Variants in PCDHGB2 observed in about 807,000 individuals in gnomAD.
PCDHGB2 encodes protocadherin gamma subfamily B, 2.
Under a neutral mutation model 59.3 loss-of-function variants are expected in PCDHGB2, and 55 were observed. The ratio of observed to expected loss-of-function variants is 0.93; its 90% confidence interval spans 0.75 to 1.16. The LOEUF (loss-of-function observed/expected upper bound fraction) is 1.16. Among genes scored for constraint, PCDHGB2 ranks in the 50% most tolerant of loss-of-function variants. PCDHGB2 has a pLI of 0.00. For missense variants in PCDHGB2, 1,228 were observed against 1,198.5 expected (o/e 1.02, Z -0.36); for synonymous variants, 516 against 512.0 (o/e 1.01, Z -0.11).
chr5:141,473,700 C>G (rs1474416849), intron 1 of PCDHGB2, among the ~76,000 whole-genome samples: 1 of 152,148 alleles, frequency 6.6e-6, no homozygotes, highest in Non-Finnish European at 1.5e-5. Context: ...GACCACCCTC[C>G]AAGTGGTGCA....
At chr5:141,370,778 C>T in intron 1 of PCDHGB2, 1 of 1,613,986 alleles carries the variant, frequency 6.2e-7, no homozygotes, top group Non-Finnish European at 8.5e-7. Flanking sequence ...ATATTAACGA[C>T]AACCCACCGA....
chr5:141,506,085 G>A lies in PCDHGB2; in HGVS notation c.2569+604G>A, dbSNP rs532931472. Among the ~76,000 whole-genome samples the A allele has an allele frequency of 2.6e-4, 39 of 152,168 alleles. 1 individual carries two copies. In the South Asian group the frequency reaches 2.9e-3, roughly 11 times the overall value. On this transcript the variant is annotated intron_variant, in intron 3 of 3. Coordinates refer to ENST00000522605, the MANE Select transcript of PCDHGB2 (RefSeq NM_018923.3). ...AGGGCTTCCTTTGTAATAGAGATTC[G>A]GCTAGTGGTGGTTGTCCCTGAAGAG...
chr5:141,399,009 C>A (rs759328384), intron 1 of PCDHGB2: 1 of 1,613,812 alleles, frequency 6.2e-7, no homozygotes, highest in African/African-American at 1.3e-5. Context: ...ATTCAAAGAG[C>A]GGAGAAATTA....
At chr5:141,475,762 G>A (rs4151701) in intron 1 of PCDHGB2, among the ~76,000 whole-genome samples, 9,255 of 152,346 alleles carry the variant, frequency 0.061, 562 homozygotes, top group African/African-American at 0.16. Context: ...CACCGATACT[G>A]GCAAGGCGCT....
Position 141,364,472 on chromosome 5 carries a change from A to G in PCDHGB2, c.2421+1916A>G, listed in dbSNP as rs375080558. On this transcript the variant is annotated intron_variant, in intron 1 of 3. Coordinates refer to ENST00000522605, the MANE Select transcript of PCDHGB2 (RefSeq NM_018923.3). ...GGACAAAGGCTCCTTCGTCGGCAAC[A>G]TAGCCAAGGACCTTGGGCTGGAGCC... is the stretch of plus-strand genomic sequence containing the variant. The G allele has an allele frequency of 5.6e-6, 9 of 1,614,038 alleles. No individual in the cohort carries two copies. Among genetic ancestry groups the G allele is most frequent in the South Asian group, 2.2e-5 (2 of 91,086 alleles).
In PCDHGB2 at chr5:141,485,457, T is replaced by G; in HGVS notation, c.2422-9350T>G. 1 of 1,614,124 alleles carries G rather than the reference T, an allele frequency of 6.2e-7. No individual in the cohort carries two copies. Among genetic ancestry groups the G allele is most frequent in the Non-Finnish European group, 8.5e-7 (1 of 1,180,020 alleles). On this transcript the variant is annotated intron_variant, in intron 1 of 3. Coordinates refer to ENST00000522605, the MANE Select transcript of PCDHGB2 (RefSeq NM_018923.3). This position sits in a 1 kb window ranked among gnomAD's most constrained non-coding sequence, Gnocchi z 5.7. ...AAGAACCCAATCGACCGAGAGGCAC[T>G]GTGTGGGCTCAGTGCCAGCTGCATC...
chr5:141,450,937 A>G (rs1011608521), intron 1 of PCDHGB2, among the ~76,000 whole-genome samples: 1 of 148,134 alleles, frequency 6.8e-6, no homozygotes, highest in African/African-American at 2.5e-5. Flanking sequence ...CAATTCTCCT[A>G]CCTCAGCCTC....
intron 1 of PCDHGB2, chr5:141,393,555 C>T (rs1561643318): frequency 1.2e-6 from 2 of 1,613,808 alleles, no homozygotes; most frequent in Admixed American, 3.3e-5. Context: ...CCCGATTTAC[C>T]GAGTGAAAGT....
Position 141,485,286 on chromosome 5 carries a change from AG to A in PCDHGB2, c.2422-9520del. On this transcript the variant is annotated intron_variant, in intron 1 of 3. Coordinates refer to ENST00000522605, the MANE Select transcript of PCDHGB2 (RefSeq NM_018923.3). This position sits in a 1 kb window ranked among gnomAD's most constrained non-coding sequence, Gnocchi z 5.7. ...CAGATCCGCTACCCGGTCCCAGAGG[AG>A]TCACAGGAAGGGACTTTTGTAGGGA... The A allele has an allele frequency of 6.2e-7, 1 of 1,614,044 alleles. No homozygotes were observed. Among genetic ancestry groups the A allele is most frequent in the Non-Finnish European group, 8.5e-7 (1 of 1,179,928 alleles).
At chr5:141,388,827 A>T (rs376001893) in intron 1 of PCDHGB2, 4 of 1,614,024 alleles carry the variant, frequency 2.5e-6, no homozygotes, top group Non-Finnish European at 2.5e-6. Flanking sequence ...AGAATATTCC[A>T]TAGTTTTGGA....
At position 141,383,491 on chromosome 5, in the gene PCDHGB2, C is replaced by A. The variant is rs116533786; in HGVS notation, c.2421+20935C>A. ...TAAGTACCCGGAACTGGTGCTGGAG[C>A]GGGTGCTGGACCGGGAGGAAGAGCG... On this transcript the variant is annotated intron_variant, in intron 1 of 3. Transcript: ENST00000522605. 4.5e-4 allele frequency: 731 copies of A among 1,613,114 alleles called. 6 individuals are homozygous for A. In the African/African-American group the frequency reaches 7.9e-3, roughly 17 times the overall value.
At chr5:141,466,348 G>A (rs2099120992) in intron 1 of PCDHGB2, among the ~76,000 whole-genome samples, 2 of 151,876 alleles carry the variant, frequency 1.3e-5, no homozygotes, top group Admixed American at 6.6e-5. Context: ...TTTTTTTGCA[G>A]CTAATCTAGA....
At position 141,471,885 on chromosome 5, in the gene PCDHGB2, A is replaced by G. The variant is rs180968509; in HGVS notation, c.2422-22922A>G. ...ACTGTGGTTGCCTGAGGCTGAAGCT[A>G]GGAAGATTGACTACAGACAAGCATG... On this transcript the variant is annotated intron_variant, in intron 1 of 3. Transcript: ENST00000522605. Among the ~76,000 whole-genome samples the G allele has an allele frequency of 1.9e-3, 294 of 152,338 alleles. 1 individual carries two copies. Among genetic ancestry groups the G allele is most frequent in the Middle Eastern group, 0.017 (5 of 294 alleles).
chr5:141,423,758 G>C lies in PCDHGB2; in HGVS notation c.2421+61202G>C, dbSNP rs1192987646. 54 of 366,760 alleles carry C rather than the reference G, an allele frequency of 1.5e-4. 3 individuals carry two copies. The highest frequency in any genetic ancestry group is 1.4e-4 in the Non-Finnish European group (36 of 259,732). 22.7% of individuals were successfully genotyped at this position (366,760 alleles called of 1,614,324 possible). A position where few individuals can be genotyped will look rare whatever the true frequency, so the allele number is the denominator to read the frequency against. Reference sequence around the variant, plus strand: ...CTGTTATGAAAACTGTTTGGGGGGGGGGTGGGGCGGCATATATTTAGTTCA... The same window carrying C: ...CTGTTATGAAAACTGTTTGGGGGGGCGGTGGGGCGGCATATATTTAGTTCA... On this transcript the variant is annotated intron_variant, in intron 1 of 3. Transcript: ENST00000522605.
chr5:141,374,776 A>T (rs376190994), intron 1 of PCDHGB2: 2 of 1,613,844 alleles, frequency 1.2e-6, no homozygotes, highest in African/African-American at 1.3e-5. Flanking sequence ...TTCTGGTAAC[A>T]GTTCTAGATG....
chr5:141,483,756 G>C (rs11739909), intron 1 of PCDHGB2, among the ~76,000 whole-genome samples: 24,641 of 152,020 alleles, frequency 0.16, 2,128 homozygotes, highest in African/African-American at 0.22. Context: ...GAGGATCGAG[G>C]CTTGGAAAAA....
intron 1 of PCDHGB2, 82 bp from the exon 2 acceptor site, chr5:141,494,725 C>T: frequency 6.2e-7 from 1 of 1,610,026 alleles, no homozygotes; most frequent in Middle Eastern, 1.7e-4. Context: ...CCCTCCTTCT[C>T]TCCCGGCCCA....
In PCDHGB2 at chr5:141,486,959, G is replaced by A. The variant is rs1161675143; in HGVS notation, c.2422-7848G>A. The A allele has an allele frequency of 1.9e-6, 3 of 1,614,098 alleles. No individual in the cohort carries two copies. In the African/African-American group the frequency reaches 4.0e-5, roughly 22 times the overall value. On this transcript the variant is annotated intron_variant, in intron 1 of 3. Transcript: ENST00000522605. The surrounding 1 kb of genome is among the most constrained non-coding windows in gnomAD (Gnocchi z 5.0). ...CCACCTAATCACAAAGGTGACTGCTGTGGACTTGGATTCAGGTTACAATGC... is the reference window on the plus strand; with the variant it reads ...CCACCTAATCACAAAGGTGACTGCTATGGACTTGGATTCAGGTTACAATGC...
rs745989563 is a variant in PCDHGB2, at chr5:141,490,728, T to G, written c.2422-4079T>G. The G allele has an allele frequency of 6.2e-7, 1 of 1,614,148 alleles. No individual in the cohort carries two copies. Among genetic ancestry groups the G allele is most frequent in the East Asian group, 2.2e-5 (1 of 44,882 alleles). ...GCCTCACCTACTCCATTGTAGGAAA[T>G]CAGGTTCAGGGAGCCCCAGCCTCCT... On this transcript the variant is annotated intron_variant, in intron 1 of 3. Transcript: ENST00000522605. The surrounding 1 kb of genome is among the most constrained non-coding windows in gnomAD (Gnocchi z 5.4).
Sources: gnomAD v4.1 joint callset for allele counts (sites outside exome capture counted in the v4.1 genomes callset) on GRCh38, gnomAD v4.1.1 for gene constraint, Gnocchi (gnomAD v3.1) non-coding constraint, MANE v1.5 for transcripts, NCBI Gene and HGNC (gene_info 2026-07-23, HGNC 2026-07-21) for gene names.